Variants in FAM114A1 observed in about 807,000 individuals in gnomAD.
FAM114A1 encodes the protein protein NOXP20.
FAM114A1 carries 62 observed loss-of-function variants against 64.3 expected under a neutral mutation model. That is an observed-to-expected ratio of 0.96 (90% CI 0.79 to 1.19). The LOEUF is 1.19. Among genes scored for constraint, FAM114A1 ranks in the 50% most tolerant of loss-of-function variants. The pLI is 0.00. For missense variants in FAM114A1, 645 were observed against 676.3 expected (o/e 0.95, Z 0.51); for synonymous variants, 254 against 251.1 (o/e 1.01, Z -0.11).
rs529770818 is a variant in FAM114A1, at chr4:38,868,082, G to A, written c.-158+248G>A. On this transcript the variant is annotated intron_variant, in intron 1 of 14. Transcript: ENST00000358869. ...GAGTGTGTGTGTGTGAGTGTGTGTCGCTCCGGGTCCACGCTCATGCACACA... is the reference window on the plus strand; with the variant it reads ...GAGTGTGTGTGTGTGAGTGTGTGTCACTCCGGGTCCACGCTCATGCACACA... 3.0e-4 allele frequency: 126 copies of A among 416,126 alleles called. 2 individuals are homozygous for A. The highest frequency in any genetic ancestry group is 2.1e-3 in the South Asian group (126 of 59,562). The allele number at this position is 416,126 out of a possible 1,614,324, so 25.8% of individuals were successfully genotyped here.
At chr4:38,878,009 GGCTTTGAATTGAA>G in intron 2 of FAM114A1, 49 bp from the exon 3 acceptor site, 4 of 1,378,236 alleles carry the variant, frequency 2.9e-6, no homozygotes, top group Non-Finnish European at 3.9e-6. Flanking sequence ...ATTTATCCAG[GGCTTTGAATTGAA>G]GCTTAACAAT....
At chr4:38,881,983 C>G (rs945184272) in intron 3 of FAM114A1, among the ~76,000 whole-genome samples, 1 of 152,224 alleles carries the variant, frequency 6.6e-6, no homozygotes, top group African/African-American at 2.4e-5. Context: ...CCATGTACAT[C>G]TACACCTGAT....
At chr4:38,943,253 TCTCTGTTAGTATAGATAATTGAG>T in intron 14 of FAM114A1, among the ~76,000 whole-genome samples, 180 bp from the exon 15 acceptor site, 1 of 151,890 alleles carries the variant, frequency 6.6e-6, no homozygotes, top group South Asian at 2.1e-4. Flanking sequence ...TGAATTATTC[TCTCTGTTAGTATAGATAATTGAG>T]AGCTGGACAT....
intron 3 of FAM114A1, among the ~76,000 whole-genome samples, chr4:38,885,351 C>G (rs918544698): frequency 6.6e-6 from 1 of 152,226 alleles, no homozygotes; most frequent in South Asian, 2.1e-4. Flanking sequence ...TCATAGCTCA[C>G]TGCAGTCTTG....
At chr4:38,883,416 C>G (rs16994862) in intron 3 of FAM114A1, among the ~76,000 whole-genome samples, 5,283 of 151,828 alleles carry the variant, frequency 0.035, 290 homozygotes, top group African/African-American at 0.12. Context: ...ACTAGCCAGT[C>G]AACCCTTAAA....
At chr4:38,890,210 C>G (rs1716195400) in intron 3 of FAM114A1, among the ~76,000 whole-genome samples, 1 of 151,996 alleles carries the variant, frequency 6.6e-6, no homozygotes, top group Non-Finnish European at 1.5e-5. Flanking sequence ...CAAGACCATC[C>G]TGGCCAAAAT....
rs541442319 is a variant in FAM114A1, at chr4:38,941,447, CAAG to C, written c.1590+427_1590+429del. Reference sequence around the variant, plus strand: ...CTAATGTCCAAGCTGGCAACAATGACAAGGAGAATGTTTAGCCTATGCCCAGTC... The same window carrying C: ...CTAATGTCCAAGCTGGCAACAATGACGAGAATGTTTAGCCTATGCCCAGTC... On this transcript the variant is annotated intron_variant, in intron 14 of 14. Transcript: ENST00000358869. Among the ~76,000 whole-genome samples, 908 of 152,270 alleles carry C rather than the reference CAAG, an allele frequency of 6.0e-3. 9 individuals carry two copies. Among genetic ancestry groups the C allele is most frequent in the African/African-American group, 0.021 (869 of 41,550 alleles).
At chr4:38,898,279 T>C (rs1717143581) in intron 4 of FAM114A1, among the ~76,000 whole-genome samples, 1 of 152,336 alleles carries the variant, frequency 6.6e-6, no homozygotes. Context: ...GATATGTATA[T>C]TTACTTTTTC....
chr4:38,940,264 A>C (rs998212390), intron 13 of FAM114A1, among the ~76,000 whole-genome samples: 1 of 152,024 alleles, frequency 6.6e-6, no homozygotes, highest in African/African-American at 2.4e-5. Context: ...TGCATTTTTC[A>C]AATGTGGATC....
At chr4:38,889,553 G>A (rs1716125196) in intron 3 of FAM114A1, among the ~76,000 whole-genome samples, 1 of 152,238 alleles carries the variant, frequency 6.6e-6, no homozygotes, top group East Asian at 1.9e-4. Flanking sequence ...TGATCTTCAC[G>A]AACCGGTGAG....
intron 1 of FAM114A1, 159 bp from the exon 2 acceptor site, chr4:38,868,239 A>G (rs1472132370): frequency 6.2e-6 from 1 of 160,762 alleles, no homozygotes; most frequent in Non-Finnish European, 1.4e-5. Context: ...CTCGGGGCCA[A>G]GTCAGAGGTG....
chr4:38,891,701 T>G (rs376471969), intron 3 of FAM114A1, 42 bp from the exon 4 acceptor site: 83 of 1,519,122 alleles, frequency 5.5e-5, no homozygotes, highest in African/African-American at 4.3e-4. Flanking sequence ...CATTCAGAGA[T>G]ATACTGAATT....
chr4:38,936,351 T>C (rs1416712446), intron 13 of FAM114A1, among the ~76,000 whole-genome samples: 1 of 151,876 alleles, frequency 6.6e-6, no homozygotes, highest in African/African-American at 2.4e-5. Context: ...ACCTCGGCCC[T>C]GCAAAGTGCT....
chr4:38,932,419 A>G (rs1361470226), intron 12 of FAM114A1, 45 bp downstream of exon 12: 4 of 1,536,984 alleles, frequency 2.6e-6, no homozygotes, highest in South Asian at 1.3e-5. Flanking sequence ...AGTTTTATAT[A>G]TAGGTACCAT....
intron 7 of FAM114A1, 133 bp downstream of exon 7, chr4:38,908,859 T>A: frequency 1.0e-6 from 1 of 957,288 alleles, no homozygotes; most frequent in Non-Finnish European, 1.5e-6. Context: ...GAGAGAAAAC[T>A]GAGCTTCTAA....
intron 6 of FAM114A1, among the ~76,000 whole-genome samples, chr4:38,906,593 G>C (rs1231368058): frequency 5.3e-5 from 8 of 152,260 alleles, no homozygotes; most frequent in African/African-American, 1.9e-4. Context: ...GGCGTGCAGT[G>C]GTGCAATCTC....
chr4:38,898,108 T>C lies in FAM114A1; in HGVS notation c.436+6278T>C, dbSNP rs1031605619. 2.6e-5 allele frequency among the ~76,000 whole-genome samples: 4 copies of C among 152,290 alleles called. No homozygotes were observed. The Middle Eastern group carries it at 0.01, about 388-fold the overall frequency. ...AACAATGCTAAAACATGTATAAGTATACAAAAGGAAGAGCTCTATAGTAGA... is the reference window on the plus strand; with the variant it reads ...AACAATGCTAAAACATGTATAAGTACACAAAAGGAAGAGCTCTATAGTAGA... On this transcript the variant is annotated intron_variant, in intron 4 of 14. Transcript: ENST00000358869.
At chr4:38,867,941 G>A (rs75372916) in intron 1 of FAM114A1, 107 bp downstream of exon 1, 48,061 of 255,526 alleles carry the variant, frequency 0.19, 6,357 homozygotes, top group Non-Finnish European at 0.27. Context: ...CGCCTCGTCC[G>A]GGACCCACGA....
intron 8 of FAM114A1, among the ~76,000 whole-genome samples, chr4:38,916,082 G>A (rs7688468): frequency 6.6e-6 from 1 of 152,108 alleles, no homozygotes; most frequent in Non-Finnish European, 1.5e-5. Flanking sequence ...ACCTTATCCT[G>A]TTATGTTTGG....
Sources: gnomAD v4.1 joint callset for allele counts (sites outside exome capture counted in the v4.1 genomes callset) on GRCh38, gnomAD v4.1.1 for gene constraint, MANE v1.5 for transcripts, NCBI Gene and HGNC (gene_info 2026-07-23, HGNC 2026-07-21) for gene names.